Variants in DNMT3A observed in about 807,000 individuals in gnomAD.
The protein encoded by DNMT3A is DNA methyltransferase 3 alpha, also known as DNA (cytosine-5)-methyltransferase 3A.
Under a neutral mutation model 117.6 loss-of-function variants are expected in DNMT3A, and 267 were observed. The observed-to-expected ratio is 2.27, with a 90% CI of 2.05 to 2.51. The LOEUF is 2.51. DNMT3A is among the 30% of genes most tolerant of loss of function. The probability of loss-of-function intolerance (pLI) is 0.00; values close to 1 mark genes in which losing one functional copy is unlikely to be tolerated. For missense variants in DNMT3A, 1,029 were observed against 1,260.2 expected (o/e 0.82, Z 2.78); for synonymous variants, 432 against 474.8 (o/e 0.91, Z 1.17).
rs1672883187 is a variant in DNMT3A, at chr2:25,231,433, G to A, written c.*2846C>T. 1 of 152,226 alleles carries A rather than the reference G, an allele frequency of 6.6e-6. No individual in the cohort carries two copies. Among genetic ancestry groups the A allele is most frequent in the Non-Finnish European group, 1.5e-5 (1 of 68,058 alleles). 9.4% of individuals were successfully genotyped at this position (152,226 alleles called of 1,614,324 possible). A position where few individuals can be genotyped will look rare whatever the true frequency, so the allele number is the denominator to read the frequency against. ...TCTGTCGAGGAGACAGTAGATTGGG[G>A]TCCAGGACCAAGCACCCCAAAAAGG... On this transcript the variant is annotated 3_prime_UTR_variant, in exon 23 of 23. Transcript: ENST00000321117.
chr2:25,313,099 T>C (rs1322795417), intron 2 of DNMT3A, among the ~76,000 whole-genome samples: 1 of 152,052 alleles, frequency 6.6e-6, no homozygotes, highest in African/African-American at 2.4e-5. Flanking sequence ...GGCAACACAG[T>C]CCAGTGCTGG....
chr2:25,262,957 A>G (rs909660086), intron 6 of DNMT3A, among the ~76,000 whole-genome samples: 3 of 151,542 alleles, frequency 2.0e-5, no homozygotes, highest in Non-Finnish European at 4.4e-5. Context: ...ACACTTTTTT[A>G]TTTGTTTGTT....
chr2:25,309,185 C>T (rs1177420215), intron 2 of DNMT3A, among the ~76,000 whole-genome samples: 1 of 152,238 alleles, frequency 6.6e-6, no homozygotes, highest in Non-Finnish European at 1.5e-5. Flanking sequence ...ACTAGGCCCT[C>T]CAAGCACGGT....
rs924356094 is a variant in DNMT3A, at chr2:25,293,306, C to G, written c.177+6833G>C. 6.6e-6 allele frequency among the ~76,000 whole-genome samples: 1 copy of G among 152,222 alleles called. No homozygotes were observed. The highest frequency in any genetic ancestry group is 6.5e-5 in the Admixed American group (1 of 15,282). On this transcript the variant is annotated intron_variant, in intron 3 of 22. Coordinates refer to ENST00000321117, the MANE Select transcript of DNMT3A (RefSeq NM_022552.5). This position sits in a 1 kb window ranked among gnomAD's most constrained non-coding sequence, Gnocchi z 4.7. The stretch of plus-strand genomic sequence containing the variant: ...GCCCCTGCCCCCTCCCCTCTCCCAG[C>G]ATGTGCTCATGCTCAGGGATGAACG...
chr2:25,253,830 T>C (rs1377705429), intron 6 of DNMT3A, among the ~76,000 whole-genome samples: 3 of 152,080 alleles, frequency 2.0e-5, no homozygotes, highest in Non-Finnish European at 4.4e-5. Context: ...TCCCAGCACT[T>C]TGGAAGGCTG....
chr2:25,251,110 G>A (rs1043092437), intron 6 of DNMT3A, among the ~76,000 whole-genome samples: 22 of 147,558 alleles, frequency 1.5e-4, no homozygotes, highest in Middle Eastern at 3.5e-3. Flanking sequence ...GGAGGAAGGG[G>A]CCTCCATCAG....
intron 6 of DNMT3A, among the ~76,000 whole-genome samples, chr2:25,269,867 C>G (rs997821817): frequency 6.6e-6 from 1 of 152,188 alleles, no homozygotes; most frequent in African/African-American, 2.4e-5. Context: ...TTGTGACATT[C>G]TGAGTCGTCT....
At chr2:25,253,072 G>C (rs1241021385) in intron 6 of DNMT3A, among the ~76,000 whole-genome samples, 3 of 152,186 alleles carry the variant, frequency 2.0e-5, no homozygotes. Flanking sequence ...CCTTCAGAAA[G>C]TTCAGCAATT....
chr2:25,340,469 G>A (rs1187531419), intron 1 of DNMT3A, among the ~76,000 whole-genome samples: 1 of 152,084 alleles, frequency 6.6e-6, no homozygotes, highest in Admixed American at 6.5e-5. Context: ...GGGGCTGGGG[G>A]AGGCCAGGGG....
chr2:25,247,727 C>A lies in DNMT3A; in HGVS notation c.878G>T (p.Gly293Val), dbSNP rs1674995741. ...EYEDGRGFGI[G>V]ELVWGKLRGF... ...CCGCAGTTTCCCCCACACCAGCTCC[C>A]CAATGCCAAAGCCCCGGCCGTCCTG... Residue 293 changes from glycine to valine, a missense_variant, in exon 8 of 23, where the codon GGG (glycine) becomes GTG (valine). Gly to Val is a moderately radical substitution (Grantham distance 109, BLOSUM62 -3). Transcript: ENST00000321117. This position sits in a 1 kb window ranked among gnomAD's most constrained non-coding sequence, Gnocchi z 5.6. 1.2e-6 allele frequency: 2 copies of A among 1,613,166 alleles called. No homozygotes were observed. Among genetic ancestry groups the A allele is most frequent in the Non-Finnish European group, 1.7e-6 (2 of 1,180,016 alleles).
At chr2:25,313,394 T>G (rs997922205) in intron 2 of DNMT3A, among the ~76,000 whole-genome samples, 2 of 151,984 alleles carry the variant, frequency 1.3e-5, no homozygotes, top group Non-Finnish European at 2.9e-5. Context: ...ATCTCCAAAG[T>G]GTGCTGGCGC....
rs1676443724 is a variant in DNMT3A at position 25,259,665 on chromosome 2, GT to G, written c.640-11414del. Among the ~76,000 whole-genome samples, 4 of 152,124 alleles carry G rather than the reference GT, an allele frequency of 2.6e-5. No individual in the cohort carries two copies. The South Asian group carries it at 8.3e-4, about 32-fold the overall frequency. ...AAGTGTTAAGTTTATACTAAGGGGG[GT>G]GTGGCCAAAAGGAACCTGGTAAACC... On this transcript the variant is annotated intron_variant, in intron 6 of 22. Coordinates refer to ENST00000321117, the MANE Select transcript of DNMT3A (RefSeq NM_022552.5).
At chr2:25,315,635 A>G (rs930296647) in intron 1 of DNMT3A, among the ~76,000 whole-genome samples, 1 of 152,202 alleles carries the variant, frequency 6.6e-6, no homozygotes, top group Non-Finnish European at 1.5e-5. Context: ...TGCCGTGCCC[A>G]GTTTACAGGT....
chr2:25,261,438 C>CAAAAA lies in DNMT3A; in HGVS notation c.640-13191_640-13187dup, dbSNP rs1299589500. Among the ~76,000 whole-genome samples, 12 of 30,122 alleles carry CAAAAA rather than the reference C, an allele frequency of 4.0e-4. 1 individual carries two copies. Among genetic ancestry groups the CAAAAA allele is most frequent in the African/African-American group, 1.5e-3 (12 of 7,872 alleles). The allele number at this position is 30,122 out of a possible 152,430, so 19.8% of individuals were successfully genotyped here. A position where few individuals can be genotyped will look rare whatever the true frequency, so the allele number is the denominator to read the frequency against. Reference sequence around the variant, plus strand: ...TGGGTGACAGAGTGAGACTCTGTCTCAAAAAAAAAAAAAAAAAAAAAAGCC... The same window carrying CAAAAA: ...TGGGTGACAGAGTGAGACTCTGTCTCAAAAAAAAAAAAAAAAAAAAAAAAAAAGCC... On this transcript the variant is annotated intron_variant, in intron 6 of 22. Transcript: ENST00000321117.
intron 1 of DNMT3A, among the ~76,000 whole-genome samples, chr2:25,330,331 CCA>C (rs2034967166): frequency 6.6e-6 from 1 of 152,242 alleles, no homozygotes; most frequent in Non-Finnish European, 1.5e-5. Context: ...ACGTGGATTT[CCA>C]CACTCGGATG....
chr2:25,334,178 G>C (rs1302296564), intron 1 of DNMT3A, among the ~76,000 whole-genome samples: 1 of 152,186 alleles, frequency 6.6e-6, no homozygotes, highest in African/African-American at 2.4e-5. Flanking sequence ...GTGGGGTGCG[G>C]GAGGGTAAGG....
Position 25,246,698 on chromosome 2 carries a change from C to T in DNMT3A, c.1201G>A (p.Val401Met). The change falls in exon 10 of 23, where the codon GTG becomes ATG. Residue 401 changes from valine (V) to methionine (M), a missense_variant. Physicochemically the swap from Val to Met is conservative, Grantham distance 21. Transcript: ENST00000321117. ...DESDTAKAVE[V>M]QNKPMIEWAL... ...CATTCAATCATGGGCTTGTTCTGCACCTCCACGGCCTTGGCAGTGTCACTC... is the reference window on the plus strand; with the variant it reads ...CATTCAATCATGGGCTTGTTCTGCATCTCCACGGCCTTGGCAGTGTCACTC... 1 of 1,613,812 alleles carries T rather than the reference C, an allele frequency of 6.2e-7. No homozygotes were observed. Among genetic ancestry groups the T allele is most frequent in the Non-Finnish European group, 8.5e-7 (1 of 1,180,030 alleles).
chr2:25,282,240 T>A lies in DNMT3A; in HGVS notation c.448+201A>T, dbSNP rs2031934509. ...AAATACTGGCAACTAATTTTTTAAA[T>A]GTTTAAAACACTCTATGGGCCAAAT... On this transcript the variant is annotated intron_variant, in intron 4 of 22. Transcript: ENST00000321117. The surrounding 1 kb of genome is among the most constrained non-coding windows in gnomAD (Gnocchi z 5.2). The A allele has an allele frequency of 8.0e-7, 1 of 1,255,784 alleles. No individual in the cohort carries two copies. The highest frequency in any genetic ancestry group is 1.0e-6 in the Non-Finnish European group (1 of 999,076). 77.8% of individuals were successfully genotyped at this position (1,255,784 alleles called of 1,614,324 possible). A position where few individuals can be genotyped will look rare whatever the true frequency, so the allele number is the denominator to read the frequency against.
rs2033662134 is a variant in DNMT3A, at chr2:25,304,069, A to C, written c.73-3826T>G. ...TGGTGACATGGGACAGCTGAAGAACAGTAACACAGTTCGCGGGAACAGATT... is the reference window on the plus strand; with the variant it reads ...TGGTGACATGGGACAGCTGAAGAACCGTAACACAGTTCGCGGGAACAGATT... On this transcript the variant is annotated intron_variant, in intron 2 of 22. Transcript: ENST00000321117. This position sits in a 1 kb window ranked among gnomAD's most constrained non-coding sequence, Gnocchi z 4.3. 6.6e-6 allele frequency among the ~76,000 whole-genome samples: 1 copy of C among 152,220 alleles called. No homozygotes were observed. Among genetic ancestry groups the C allele is most frequent in the African/African-American group, 2.4e-5 (1 of 41,462 alleles).
Sources: allele counts gnomAD v4.1 joint callset (sites outside exome capture counted in the v4.1 genomes callset), GRCh38; gene constraint gnomAD v4.1.1; non-coding constraint Gnocchi (gnomAD v3.1); transcripts MANE v1.5; gene names NCBI Gene and HGNC (gene_info 2026-07-23, HGNC 2026-07-21).